Variants in IPO7 observed in about 807,000 individuals in gnomAD.
The protein encoded by IPO7 is importin-7.
A neutral mutation model predicts 136.4 loss-of-function variants in IPO7; 13 were observed. The observed-to-expected ratio is 0.10, with a 90% confidence interval of 0.06 to 0.15. The LOEUF (loss-of-function observed/expected upper bound fraction) is 0.15. Ranked by LOEUF, IPO7 falls within the 10% of genes least tolerant of loss-of-function variation. The probability of loss-of-function intolerance (pLI) is 1.00; values close to 1 mark genes in which losing one functional copy is unlikely to be tolerated. For missense variants in IPO7, 857 were observed against 1,240.6 expected (o/e 0.69, Z 4.65); for synonymous variants, 403 against 404.4 (o/e 1.00, Z 0.04).
chr11:9,393,503 C>T (rs1325256485), intron 1 of IPO7, among the ~76,000 whole-genome samples: 1 of 152,120 alleles, frequency 6.6e-6, no homozygotes, highest in East Asian at 1.9e-4. Context: ...CCTCAGCCTC[C>T]CTAGTAGCTG....
chr11:9,437,608 A>G (rs1420542515), intron 20 of IPO7, 146 bp from the exon 21 acceptor site: 2 of 642,796 alleles, frequency 3.1e-6, no homozygotes, highest in South Asian at 4.1e-5. Context: ...CTAAAATTAG[A>G]TTTCCCAGTG....
chr11:9,400,717 C>T (rs1404750038), intron 1 of IPO7, among the ~76,000 whole-genome samples: 2 of 151,844 alleles, frequency 1.3e-5, no homozygotes, highest in Non-Finnish European at 2.9e-5. Flanking sequence ...CCACTGTGCC[C>T]GGCCTACTAA....
intron 4 of IPO7, among the ~76,000 whole-genome samples, chr11:9,410,681 A>G (rs753999990): frequency 3.9e-5 from 6 of 152,218 alleles, no homozygotes; most frequent in Non-Finnish European, 8.8e-5. Flanking sequence ...ATCTTGTTTT[A>G]GGGATCAGGA....
intron 14 of IPO7, 61 bp downstream of exon 14, chr11:9,429,257 G>A (rs759773188): frequency 4.3e-6 from 6 of 1,390,440 alleles, no homozygotes; most frequent in Non-Finnish European, 6.0e-6. Context: ...GGTCACACCT[G>A]TAATCTTAGC....
In IPO7 at chr11:9,445,322, A is replaced by G; in HGVS notation, c.*128A>G. 3.6e-6 allele frequency: 1 copy of G among 280,312 alleles called. No homozygotes were observed. Among genetic ancestry groups the G allele is most frequent in the Non-Finnish European group, 6.9e-6 (1 of 145,736 alleles). The allele number at this position is 280,312 out of a possible 1,614,324, so 17.4% of individuals were successfully genotyped here. A position where few individuals can be genotyped will look rare whatever the true frequency, so the allele number is the denominator to read the frequency against. ...CAATAGATGGACAAAAGAAACAACA[A>G]CCCCAGGAGATGGGACCTGATCATG... is the stretch of plus-strand genomic sequence containing the variant. On this transcript the variant is annotated 3_prime_UTR_variant, in exon 25 of 25. Transcript: ENST00000379719.
chr11:9,442,408 T>TTTTGTTTG (rs879419914), intron 24 of IPO7, among the ~76,000 whole-genome samples: 2 of 151,984 alleles, frequency 1.3e-5, no homozygotes, highest in African/African-American at 2.4e-5. Context: ...TTTCGTTTTT[T>TTTTGTTTG]TTTGTTTGTT....
intron 1 of IPO7, among the ~76,000 whole-genome samples, chr11:9,396,734 G>C (rs755122068): frequency 6.6e-6 from 1 of 152,012 alleles, no homozygotes; most frequent in East Asian, 1.9e-4. Context: ...TTCATACATT[G>C]TTGTAACATG....
At chr11:9,435,167 TAA>T in intron 19 of IPO7, 136 bp downstream of exon 19, 1 of 616,724 alleles carries the variant, frequency 1.6e-6, no homozygotes, top group East Asian at 2.8e-5. Context: ...CTTTAAAAGT[TAA>T]AAGTCATTGG....
In IPO7 at chr11:9,446,572, A is replaced by G. The variant is rs1565007259; in HGVS notation, c.*1378A>G. Reference sequence around the variant, plus strand: ...GTTATTGATCTTAAACATCGGTCAGATGAGTCATACATTGGGTTATTTTTT... The same window carrying G: ...GTTATTGATCTTAAACATCGGTCAGGTGAGTCATACATTGGGTTATTTTTT... On this transcript the variant is annotated 3_prime_UTR_variant, in exon 25 of 25. Transcript: ENST00000379719. The G allele has an allele frequency of 6.6e-6, 1 of 152,332 alleles. No homozygotes were observed. The highest frequency in any genetic ancestry group is 1.9e-4 in the East Asian group (1 of 5,186). 9.4% of individuals were successfully genotyped at this position (152,332 alleles called of 1,614,324 possible).
In IPO7 at chr11:9,436,278, C is replaced by A. The variant is rs777295284; in HGVS notation, c.2180C>A (p.Thr727Lys). ...ATATTCTGTTTTGATCAGGTTCTTA[C>A]AGGAGTTGCAGGAGAAGATGCAGAG... ...MIYSMCKKVL[T>K]GVAGEDAECH... Residue 727 changes from threonine to lysine, a missense_variant, in exon 20 of 25, where the codon ACA (threonine) becomes AAA (lysine). This residue lies in a region of IPO7 where 190 missense variants were observed against 249.0 expected (regional missense o/e 0.76). Transcript: ENST00000379719. 1 of 1,611,108 alleles carries A rather than the reference C, an allele frequency of 6.2e-7. No individual in the cohort carries two copies. The highest frequency in any genetic ancestry group is 8.5e-7 in the Non-Finnish European group (1 of 1,177,290).
intron 4 of IPO7, among the ~76,000 whole-genome samples, chr11:9,411,706 C>T (rs1021335630): frequency 2.0e-5 from 3 of 152,098 alleles, no homozygotes; most frequent in Non-Finnish European, 2.9e-5. Flanking sequence ...TATGGTTCTG[C>T]AGTTTGACAC....
At chr11:9,387,822 C>T (rs576607712) in intron 1 of IPO7, among the ~76,000 whole-genome samples, 4 of 144,418 alleles carry the variant, frequency 2.8e-5, no homozygotes, top group African/African-American at 1.0e-4. Flanking sequence ...CAGAGTGAGA[C>T]TCCATCTCAA....
At position 9,414,421 on chromosome 11, in the gene IPO7, GT is replaced by G; in HGVS notation, c.636+11del. 2 of 1,549,084 alleles carry G rather than the reference GT, an allele frequency of 1.3e-6. No individual in the cohort carries two copies. Among genetic ancestry groups the G allele is most frequent in the Non-Finnish European group, 1.7e-6 (2 of 1,146,486 alleles). ...CTATGCTCTTGTTCAGGTAATATCT[GT>G]GAAGCAGTTTTTATGCATAAAAAGT... is the stretch of plus-strand genomic sequence containing the variant. On this transcript the variant is annotated intron_variant, in intron 5 of 24. Coordinates refer to ENST00000379719, the MANE Select transcript of IPO7 (RefSeq NM_006391.3).
intron 24 of IPO7, among the ~76,000 whole-genome samples, chr11:9,443,979 A>T (rs997564075): frequency 3.3e-5 from 5 of 151,536 alleles, no homozygotes; most frequent in Non-Finnish European, 5.9e-5. Flanking sequence ...TGCAATTTTT[A>T]AAAGTACATT....
chr11:9,386,017 G>A (rs1391452848), intron 1 of IPO7, among the ~76,000 whole-genome samples: 2 of 152,078 alleles, frequency 1.3e-5, no homozygotes, highest in African/African-American at 4.8e-5. Context: ...TATTTTATGC[G>A]TCTTTTAGCT....
intron 16 of IPO7, among the ~76,000 whole-genome samples, chr11:9,431,416 T>A (rs1452103530): frequency 6.6e-6 from 1 of 152,014 alleles, no homozygotes; most frequent in African/African-American, 2.4e-5. Flanking sequence ...TCTTCCTAGT[T>A]TTCTTCTTTT....
intron 1 of IPO7, chr11:9,392,239 A>T (rs4910464): frequency 1.3e-5 from 4 of 300,810 alleles, no homozygotes; most frequent in Non-Finnish European, 2.6e-5. Context: ...GTGCAATGGC[A>T]CAATCTCGGC....
At chr11:9,393,367 G>C (rs572134510) in intron 1 of IPO7, among the ~76,000 whole-genome samples, 2 of 151,980 alleles carry the variant, frequency 1.3e-5, no homozygotes, top group Non-Finnish European at 2.9e-5. Flanking sequence ...TGTGGTTAGT[G>C]GTTAGTTTCC....
At chr11:9,416,220 C>T (rs182870626) in intron 5 of IPO7, among the ~76,000 whole-genome samples, 2 of 152,292 alleles carry the variant, frequency 1.3e-5, no homozygotes, top group African/African-American at 4.8e-5. Context: ...TAAGACTGTA[C>T]TTGCCTAACT....
Sources: gnomAD v4.1 joint callset for allele counts (sites outside exome capture counted in the v4.1 genomes callset) on GRCh38, gnomAD v4.1.1 for gene constraint, gnomAD v4.1.1 regional missense constraint, MANE v1.5 for transcripts, NCBI Gene and HGNC (gene_info 2026-07-23, HGNC 2026-07-21) for gene names.